EIF3H: variants seen among roughly 807,000 people sequenced by gnomAD.
EIF3H encodes the protein eukaryotic translation initiation factor 3 subunit H.
A neutral mutation model predicts 44.2 loss-of-function variants in EIF3H; 26 were observed. The observed-to-expected ratio is 0.59, with a 90% confidence interval of 0.43 to 0.82. The LOEUF (loss-of-function observed/expected upper bound fraction) is 0.82, where lower values mean the gene tolerates loss of function less well. Ranked by LOEUF, EIF3H falls within the 40% of genes least tolerant of loss-of-function variation. The pLI is 0.00. For missense variants in EIF3H, 359 were observed against 432.8 expected, an observed-to-expected ratio of 0.83 and a Z score of 1.51; for synonymous variants, 166 against 151.9, an observed-to-expected ratio of 1.09 and a Z score of -0.68.
At chr8:116,698,101 T>G (rs1586462360) in intron 2 of EIF3H, among the ~76,000 whole-genome samples, 1 of 152,336 alleles carries the variant, frequency 6.6e-6, no homozygotes, top group African/African-American at 2.4e-5. Flanking sequence ...CTCCAGAGAC[T>G]ATGTCTTGAT....
At chr8:116,666,566 T>C (rs905833974) in intron 2 of EIF3H, among the ~76,000 whole-genome samples, 1 of 152,012 alleles carries the variant, frequency 6.6e-6, no homozygotes, top group African/African-American at 2.4e-5. Flanking sequence ...TAGTGGAAGA[T>C]AGAGAGCCAT....
rs780849550 is a variant in EIF3H, at chr8:116,658,910, A to G, written c.360T>C (p.Tyr120=). 1 of 1,613,572 alleles carries G rather than the reference A, an allele frequency of 6.2e-7. No individual in the cohort carries two copies. Among genetic ancestry groups the G allele is most frequent in the African/African-American group, 1.3e-5 (1 of 74,912 alleles). ...CGAATGAGCCATAGTATGTGGACTGATACCAGCCCACGTGAAGATGATCAA... is the reference window on the plus strand; with the variant it reads ...CGAATGAGCCATAGTATGTGGACTGGTACCAGCCCACGTGAAGATGATCAA... The part of the protein sequence containing the change: ...VNIDHLHVGW[Y]QSTYYGSFVT... Residue 120 remains tyrosine, a synonymous_variant, in exon 3 of 8, where the codon TAT becomes TAC. Transcript: ENST00000521861.
At chr8:116,686,202 T>A (rs117018186) in intron 2 of EIF3H, among the ~76,000 whole-genome samples, 4,049 of 152,216 alleles carry the variant, frequency 0.027, 83 homozygotes, top group Non-Finnish European at 0.044. Context: ...TACACAACAG[T>A]TTACAAACGC....
At chr8:116,759,678 G>A (rs1230020690), upstream of EIF3H, among the ~76,000 whole-genome samples, 1 of 152,092 alleles carries the variant, frequency 6.6e-6, no homozygotes, top group African/African-American at 2.4e-5. Context: ...ATATTCAGAT[G>A]AGCCAAAAGA....
intron 1 of EIF3H, among the ~76,000 whole-genome samples, chr8:116,749,905 G>T (rs1348569601): frequency 6.6e-6 from 1 of 152,294 alleles, no homozygotes; most frequent in African/African-American, 2.4e-5. Context: ...CAGGTCTAAA[G>T]GTAGGAAAGG....
At chr8:116,715,472 A>G (rs1395633755) in intron 2 of EIF3H, among the ~76,000 whole-genome samples, 4 of 152,050 alleles carry the variant, frequency 2.6e-5, no homozygotes, top group Admixed American at 2.6e-4. Context: ...CCCTAACTGA[A>G]TTTTAGGAGT....
chr8:116,699,379 A>C (rs1814330222), intron 2 of EIF3H, among the ~76,000 whole-genome samples: 1 of 152,230 alleles, frequency 6.6e-6, no homozygotes, highest in Non-Finnish European at 1.5e-5. Flanking sequence ...TTTTCTTTAA[A>C]TCTTGCTAAA....
At chr8:116,665,297 A>G (rs1461588055) in intron 2 of EIF3H, among the ~76,000 whole-genome samples, 1 of 152,214 alleles carries the variant, frequency 6.6e-6, no homozygotes, top group Non-Finnish European at 1.5e-5. Flanking sequence ...TGATAAAACC[A>G]CCAAAGATTT....
intron 2 of EIF3H, among the ~76,000 whole-genome samples, chr8:116,708,152 G>A (rs1586468066): frequency 6.6e-6 from 1 of 151,972 alleles, no homozygotes; most frequent in South Asian, 2.1e-4. Context: ...ACATTCTTAG[G>A]TGTCTTTAAG....
At chr8:116,675,884 G>C (rs1202014052) in intron 2 of EIF3H, among the ~76,000 whole-genome samples, 1 of 152,030 alleles carries the variant, frequency 6.6e-6, no homozygotes. Context: ...ACATAAAAAA[G>C]CATTCTAGAA....
chr8:116,677,385 T>C (rs1309349306), intron 2 of EIF3H, among the ~76,000 whole-genome samples: 1 of 152,234 alleles, frequency 6.6e-6, no homozygotes, highest in Non-Finnish European at 1.5e-5. Context: ...TGTTCGATGA[T>C]GGTTAAGATG....
At chr8:116,752,669 A>AAGGAAGGAAGGAAGG (rs1563662865) in intron 1 of EIF3H, among the ~76,000 whole-genome samples, 2 of 17,512 alleles carry the variant, frequency 1.1e-4, no homozygotes, top group African/African-American at 3.6e-4. Context: ...AGAAATGAAG[A>AAGGAAGGAAGGAAGG]AAGAAAGAAA....
At chr8:116,713,502 A>G (rs1814608462) in intron 2 of EIF3H, among the ~76,000 whole-genome samples, 1 of 152,170 alleles carries the variant, frequency 6.6e-6, no homozygotes, top group Non-Finnish European at 1.5e-5. Flanking sequence ...ATATTTTTCA[A>G]GCTTTCAAAA....
intron 2 of EIF3H, among the ~76,000 whole-genome samples, chr8:116,676,214 T>C (rs1030840647): frequency 6.6e-6 from 1 of 152,238 alleles, no homozygotes; most frequent in Non-Finnish European, 1.5e-5. Context: ...CTTGTTACAA[T>C]ACTATTTACT....
In EIF3H at chr8:116,643,766, CTCTCCTGATCTTTCACCCA is replaced by C. The variant is rs1222211670; in HGVS notation, c.*1221_*1239del. ...GTTGTCCAAAAAATGAATTTCTCGA[CTCTCCTGATCTTTCACCCA>C]TCTCCTTTTTTGATAACCCTCCTAG... is the stretch of plus-strand genomic sequence containing the variant. On this transcript the variant is annotated 3_prime_UTR_variant, in exon 8 of 8. Coordinates refer to ENST00000521861, the MANE Select transcript of EIF3H (RefSeq NM_003756.3). 6.6e-6 allele frequency: 1 copy of C among 152,220 alleles called. No homozygotes were observed. The highest frequency in any genetic ancestry group is 2.4e-5 in the African/African-American group (1 of 41,448). 9.4% of individuals were successfully genotyped at this position (152,220 alleles called of 1,614,324 possible). A position where few individuals can be genotyped will look rare whatever the true frequency, so the allele number is the denominator to read the frequency against.
chr8:116,648,007 C>G (rs1303544444), intron 6 of EIF3H, among the ~76,000 whole-genome samples: 2 of 151,906 alleles, frequency 1.3e-5, no homozygotes, highest in East Asian at 1.9e-4. Flanking sequence ...TCACTATATA[C>G]TGAAAATGAA....
At chr8:116,647,949 CA>C (rs1453988681) in intron 6 of EIF3H, among the ~76,000 whole-genome samples, 1 of 151,776 alleles carries the variant, frequency 6.6e-6, no homozygotes, top group African/African-American at 2.4e-5. Context: ...TACTGATTTA[CA>C]TATGTTTTCT....
chr8:116,669,000 A>G (rs1390562064), intron 2 of EIF3H, among the ~76,000 whole-genome samples: 1 of 152,102 alleles, frequency 6.6e-6, no homozygotes, highest in Admixed American at 6.5e-5. Flanking sequence ...TCATCTCCAT[A>G]TTGGCGACGG....
At position 116,643,839 on chromosome 8, in the gene EIF3H, A is replaced by G. The variant is rs1260423908; in HGVS notation, c.*1167T>C. On this transcript the variant is annotated 3_prime_UTR_variant, in exon 8 of 8. Coordinates refer to ENST00000521861, the MANE Select transcript of EIF3H (RefSeq NM_003756.3). ...ATCATAATCAAAAATTCTCATAGGC[A>G]CACCCCCACCAGCTGGCAGATCTCA... 1.3e-5 allele frequency: 2 copies of G among 152,212 alleles called. No individual in the cohort carries two copies. The highest frequency in any genetic ancestry group is 4.8e-5 in the African/African-American group (2 of 41,460). The allele number at this position is 152,212 out of a possible 1,614,324, so 9.4% of individuals were successfully genotyped here. A position where few individuals can be genotyped will look rare whatever the true frequency, so the allele number is the denominator to read the frequency against.
Sources: allele counts gnomAD v4.1 joint callset (sites outside exome capture counted in the v4.1 genomes callset), GRCh38; gene constraint gnomAD v4.1.1; transcripts MANE v1.5; gene names NCBI Gene and HGNC (gene_info 2026-07-23, HGNC 2026-07-21).